The following ZNF771 variants were observed in gnomAD, a reference collection of about 807,000 sequenced individuals.
ZNF771 encodes the protein zinc finger protein 771, also known as mesenchymal stem cell protein DSC43.
ZNF771 carries 10 observed loss-of-function variants against 27.6 expected under a neutral mutation model. The ratio of observed to expected loss-of-function variants is 0.36; its 90% CI spans 0.22 to 0.61. The LOEUF (loss-of-function observed/expected upper bound fraction) is 0.61. Among genes scored for constraint, ZNF771 ranks in the 20% least tolerant of loss-of-function variants. ZNF771 has a pLI of 0.70. For synonymous variants in ZNF771, 261 were observed against 225.2 expected (o/e 1.16, Z -1.43); for missense variants, 438 against 503.7 (o/e 0.87, Z 1.25).
At chr16:30,414,065 A>G (rs918458232) in intron 2 of ZNF771, 69 of 152,214 alleles carry the variant, frequency 4.5e-4, no homozygotes, top group African/African-American at 1.7e-3. Flanking sequence ...TGAACTCAGC[A>G]TGAGGAAGCC....
chr16:30,409,328 A>C (rs965681432), intron 2 of ZNF771, among the ~76,000 whole-genome samples: 1 of 152,080 alleles, frequency 6.6e-6, no homozygotes, highest in Non-Finnish European at 1.5e-5. Flanking sequence ...TGCAGCAGTG[A>C]GGGTGGGTGG....
Position 30,418,599 on chromosome 16 carries a change from C to T in ZNF771, c.*232C>T, listed in dbSNP as rs940510974. 9.5e-6 allele frequency: 4 copies of T among 422,368 alleles called. No individual in the cohort carries two copies. The highest frequency in any genetic ancestry group is 3.6e-5 in the East Asian group (1 of 27,820). The allele number at this position is 422,368 out of a possible 1,614,324, so 26.2% of individuals were successfully genotyped here. A position where few individuals can be genotyped will look rare whatever the true frequency, so the allele number is the denominator to read the frequency against. On this transcript the variant is annotated 3_prime_UTR_variant, in exon 3 of 3. Transcript: ENST00000319296. ...TGAATAAAGTATTATATCCTCACCC[C>T]ACCCGTGCCTGTGAGTGAGGTGGGT...
In ZNF771 at chr16:30,414,862, G is replaced by T. The variant is rs1262789952; in HGVS notation, c.142-2693G>T. On this transcript the variant is annotated intron_variant, in intron 2 of 2. Coordinates refer to ENST00000319296, the MANE Select transcript of ZNF771 (RefSeq NM_001142305.2). ...GGGTTTCACCATGTTAGCCAGGATG[G>T]TCTCGATCTCCTGACCTTGTGATCT... Among the ~76,000 whole-genome samples the T allele has an allele frequency of 2.0e-5, 3 of 149,010 alleles. No homozygotes were observed. The East Asian group carries it at 5.9e-4, about 29-fold the overall frequency.
intron 2 of ZNF771, among the ~76,000 whole-genome samples, chr16:30,412,690 G>T (rs1363790993): frequency 6.6e-6 from 1 of 152,144 alleles, no homozygotes; most frequent in Non-Finnish European, 1.5e-5. Flanking sequence ...TATTTGGGGG[G>T]TTGAGTCAGG....
At chr16:30,414,358 C>T (rs1330909221) in intron 2 of ZNF771, 2 of 152,096 alleles carry the variant, frequency 1.3e-5, no homozygotes, top group Non-Finnish European at 2.9e-5. Context: ...ATCTTGGTCA[C>T]GTGAGTTCAG....
chr16:30,409,868 G>A (rs535530588), intron 2 of ZNF771, among the ~76,000 whole-genome samples: 15 of 152,042 alleles, frequency 9.9e-5, no homozygotes, highest in Non-Finnish European at 2.1e-4. Context: ...TCATTTACCC[G>A]CTGTGTGACC....
intron 1 of ZNF771, 46 bp from the exon 2 acceptor site, chr16:30,407,996 GGGT>G: frequency 5.6e-6 from 5 of 891,234 alleles, no homozygotes; most frequent in Admixed American, 2.9e-5. Context: ...GCGGGGGGGG[GGGT>G]GGGGGGGGGC....
rs1453217966 is a variant in ZNF771, at chr16:30,418,021, A to C, written c.608A>C (p.Tyr203Ser). Residue 203 changes from tyrosine (Y) to serine (S), a missense_variant, in exon 3 of 3, where the codon TAC (tyrosine) becomes TCC (serine). Physicochemically the swap from Tyr to Ser is moderately radical, Grantham distance 144. Transcript: ENST00000319296. ...CGCACGCACACGGGCGAGCGGCCCT[A>C]CGCTTGCGCCGACTGCGGCACGCGC... is the stretch of plus-strand genomic sequence containing the variant. The part of the protein sequence containing the change: ...HRRTHTGERP[Y>S]ACADCGTRFA... 1 of 1,453,988 alleles carries C rather than the reference A, an allele frequency of 6.9e-7. No individual in the cohort carries two copies. Among genetic ancestry groups the C allele is most frequent in the Non-Finnish European group, 9.0e-7 (1 of 1,113,884 alleles). 90.1% of individuals were successfully genotyped at this position (1,453,988 alleles called of 1,614,324 possible).
chr16:30,416,544 C>G (rs1161987934), intron 2 of ZNF771, among the ~76,000 whole-genome samples: 1 of 152,160 alleles, frequency 6.6e-6, no homozygotes. Context: ...ATCCAGAAGC[C>G]AATCACTTCT....
At chr16:30,409,089 C>T (rs1054051959) in intron 2 of ZNF771, among the ~76,000 whole-genome samples, 3 of 152,162 alleles carry the variant, frequency 2.0e-5, no homozygotes, top group Non-Finnish European at 4.4e-5. Context: ...GTTCTCCTAC[C>T]TCAGCCTCCC....
Position 30,417,669 on chromosome 16 carries a change from AC to A in ZNF771, c.257del (p.Thr86ArgfsTer21). On this transcript the variant is annotated frameshift_variant, in exon 3 of 3. Coordinates refer to ENST00000319296, the MANE Select transcript of ZNF771 (RefSeq NM_001142305.2). LOFTEE classifies it high-confidence loss of function. ...STLAKHARTH[T>X]GERPFGCTEC... ...GCTGGCGAAGCACGCGCGCACGCAC[AC>A]GGGCGAACGGCCCTTCGGGTGCACC... 1 of 1,384,342 alleles carries A rather than the reference AC, an allele frequency of 7.2e-7. No homozygotes were observed. Among genetic ancestry groups the A allele is most frequent in the East Asian group, 3.1e-5 (1 of 32,294 alleles). The allele number at this position is 1,384,342 out of a possible 1,614,324, so 85.8% of individuals were successfully genotyped here.
intron 2 of ZNF771, among the ~76,000 whole-genome samples, chr16:30,417,129 C>A (rs1329797212): frequency 6.6e-6 from 1 of 152,194 alleles, no homozygotes; most frequent in Non-Finnish European, 1.5e-5. Context: ...ACGTAGCCTG[C>A]TCTGTCACCT....
intron 2 of ZNF771, among the ~76,000 whole-genome samples, chr16:30,416,087 G>C (rs937765032): frequency 6.6e-6 from 1 of 152,056 alleles, no homozygotes; most frequent in African/African-American, 2.4e-5. Flanking sequence ...TTTCTTCACT[G>C]CTTAAAAAAT....
chr16:30,415,895 A>G (rs910157917), intron 2 of ZNF771, among the ~76,000 whole-genome samples: 10 of 152,134 alleles, frequency 6.6e-5, no homozygotes, highest in Non-Finnish European at 1.3e-4. Context: ...GGAAGGGAGC[A>G]ATATGCCCTC....
intron 2 of ZNF771, chr16:30,414,256 TG>T (rs2050121856): frequency 6.6e-6 from 1 of 152,222 alleles, no homozygotes; most frequent in Non-Finnish European, 1.5e-5. Flanking sequence ...AAACATACTG[TG>T]GGGAGTTTCT....
chr16:30,418,199 C>G lies in ZNF771; in HGVS notation c.786C>G (p.Ala262=), dbSNP rs1444777590. 1 of 1,504,634 alleles carries G rather than the reference C, an allele frequency of 6.6e-7. No homozygotes were observed. The allele number at this position is 1,504,634 out of a possible 1,614,324, so 93.2% of individuals were successfully genotyped here. A position where few individuals can be genotyped will look rare whatever the true frequency, so the allele number is the denominator to read the frequency against. ...CAGGCGAGCGGCCCTACCCCTGCGC[C>G]GAGTGCGGCCGCCGCTTCCGCCTAA... ...THTGERPYPC[A]ECGRRFRLSS... is the part of the protein sequence containing the mutation. Residue 262 remains alanine, a synonymous_variant, in exon 3 of 3, where the codon GCC becomes GCG. Coordinates refer to ENST00000319296, the MANE Select transcript of ZNF771 (RefSeq NM_001142305.2).
intron 2 of ZNF771, among the ~76,000 whole-genome samples, chr16:30,412,571 T>C (rs904562347): frequency 1.3e-5 from 2 of 152,092 alleles, no homozygotes; most frequent in Admixed American, 6.6e-5. Context: ...GGCAGGAGGA[T>C]TGATTGAGCT....
intron 2 of ZNF771, chr16:30,414,258 G>A (rs2050121872): frequency 1.3e-5 from 2 of 152,166 alleles, no homozygotes; most frequent in Admixed American, 6.5e-5. Context: ...ACATACTGTG[G>A]GGAGTTTCTC....
chr16:30,418,381 G>A lies in ZNF771; in HGVS notation c.*14G>A. 1 of 1,369,292 alleles carries A rather than the reference G, an allele frequency of 7.3e-7. No homozygotes were observed. The highest frequency in any genetic ancestry group is 9.4e-7 in the Non-Finnish European group (1 of 1,065,340). The allele number at this position is 1,369,292 out of a possible 1,614,324, so 84.8% of individuals were successfully genotyped here. The stretch of plus-strand genomic sequence containing the variant: ...GAGGGCAGCTGAGTCCCGCAGGGCT[G>A]CGGAGGGGCGCGCTGGGGCTTCGAC... On this transcript the variant is annotated 3_prime_UTR_variant, in exon 3 of 3. Transcript: ENST00000319296.
Sources: gnomAD v4.1 joint callset for allele counts (sites outside exome capture counted in the v4.1 genomes callset) on GRCh38, gnomAD v4.1.1 for gene constraint, MANE v1.5 for transcripts, NCBI Gene and HGNC (gene_info 2026-07-23, HGNC 2026-07-21) for gene names.